Variants in CNOT10 observed in about 807,000 individuals in gnomAD.
CNOT10 encodes CCR4-NOT transcription complex, subunit 10.
CNOT10 carries 30 observed loss-of-function variants against 94.6 expected under a neutral mutation model. The observed-to-expected ratio is 0.32, with a 90% CI of 0.24 to 0.43. The LOEUF (loss-of-function observed/expected upper bound fraction) is 0.43, where lower values mean the gene tolerates loss of function less well. Among genes scored for constraint, CNOT10 ranks in the 20% least tolerant of loss-of-function variants. CNOT10 has a pLI of 1.00. For synonymous variants in CNOT10, 289 were observed against 301.6 expected, an observed-to-expected ratio of 0.96 and a Z score of 0.43; for missense variants, 759 against 877.2, an observed-to-expected ratio of 0.87 and a Z score of 1.70.
At chr3:32,716,033 C>T in intron 5 of CNOT10, 192 bp from the exon 6 acceptor site, 1 of 424,778 alleles carries the variant, frequency 2.4e-6, no homozygotes, top group Non-Finnish European at 4.3e-6. Context: ...TCTCGAACTC[C>T]TGGGCTCAAG....
chr3:32,717,647 C>T (rs908717762), intron 7 of CNOT10, among the ~76,000 whole-genome samples: 2 of 152,078 alleles, frequency 1.3e-5, no homozygotes, highest in East Asian at 3.9e-4. Context: ...GGGCGGATCA[C>T]CTGAGGTCAG....
At chr3:32,703,208 G>C (rs1697451807) in intron 1 of CNOT10, among the ~76,000 whole-genome samples, 1 of 151,626 alleles carries the variant, frequency 6.6e-6, no homozygotes, top group African/African-American at 2.4e-5. Flanking sequence ...ACAGGCGTGA[G>C]CCACCGTGCC....
At chr3:32,756,157 G>A (rs755035661) in intron 13 of CNOT10, among the ~76,000 whole-genome samples, 1 of 152,098 alleles carries the variant, frequency 6.6e-6, no homozygotes, top group Non-Finnish European at 1.5e-5. Flanking sequence ...GGTGAGTTGG[G>A]ATGGATTGTA....
chr3:32,753,617 C>A, intron 13 of CNOT10: 2 of 1,573,072 alleles, frequency 1.3e-6, no homozygotes, highest in Non-Finnish European at 1.7e-6. Flanking sequence ...CAATTCATAG[C>A]AGGTGTAAAG....
chr3:32,773,396 T>G (rs1700995946), intron 18 of CNOT10, 61 bp from the exon 19 acceptor site: 3 of 1,507,504 alleles, frequency 2.0e-6, no homozygotes, highest in Admixed American at 4.1e-5. Flanking sequence ...TTTTCATGTC[T>G]TGCTTTGTGT....
rs1696548846 is a variant in CNOT10 at position 32,685,345 on chromosome 3, G to A, written c.-116G>A. 3 of 1,241,564 alleles carry A rather than the reference G, an allele frequency of 2.4e-6. No homozygotes were observed. Among genetic ancestry groups the A allele is most frequent in the African/African-American group, 3.0e-5 (2 of 66,844 alleles). The allele number at this position is 1,241,564 out of a possible 1,614,324, so 76.9% of individuals were successfully genotyped here. A position where few individuals can be genotyped will look rare whatever the true frequency, so the allele number is the denominator to read the frequency against. ...CCACTCCTCTAGCCGGAACCTGGGG[G>A]CCCGGAGCCGGGGTAGGCACAGAGT... On this transcript the variant is annotated 5_prime_UTR_variant, in exon 1 of 19. Coordinates refer to ENST00000328834, the MANE Select transcript of CNOT10 (RefSeq NM_015442.3).
intron 1 of CNOT10, among the ~76,000 whole-genome samples, chr3:32,698,551 A>C (rs976555879): frequency 1.3e-5 from 2 of 152,210 alleles, no homozygotes; most frequent in African/African-American, 4.8e-5. Flanking sequence ...TATAAGTACA[A>C]GAATTTTTAG....
chr3:32,757,157 A>G (rs989993493), intron 13 of CNOT10, among the ~76,000 whole-genome samples: 8 of 135,464 alleles, frequency 5.9e-5, no homozygotes, highest in Non-Finnish European at 1.3e-4. Flanking sequence ...TCATTCACAT[A>G]GGCCCTGAAC....
At chr3:32,751,659 A>G (rs182862478) in intron 13 of CNOT10, among the ~76,000 whole-genome samples, 38 of 152,346 alleles carry the variant, frequency 2.5e-4, no homozygotes, top group African/African-American at 7.0e-4. Context: ...TAAATATTAT[A>G]GACAGTTTTA....
intron 1 of CNOT10, among the ~76,000 whole-genome samples, chr3:32,696,693 G>A (rs934823856): frequency 3.3e-5 from 5 of 151,976 alleles, no homozygotes; most frequent in African/African-American, 1.2e-4. Context: ...CCACTTCCTG[G>A]GTTCAAGTGA....
chr3:32,742,175 C>G (rs1699501164), intron 13 of CNOT10, among the ~76,000 whole-genome samples: 1 of 151,816 alleles, frequency 6.6e-6, no homozygotes, highest in Non-Finnish European at 1.5e-5. Flanking sequence ...AGGATAGTCT[C>G]TTGACCTCGT....
At chr3:32,718,765 G>A (rs574876307) in intron 7 of CNOT10, among the ~76,000 whole-genome samples, 2 of 152,128 alleles carry the variant, frequency 1.3e-5, no homozygotes, top group African/African-American at 4.8e-5. Context: ...TGGGGTGGGT[G>A]GGAGGCAGAG....
At chr3:32,727,601 TA>T in intron 9 of CNOT10, 66 bp from the exon 10 acceptor site, 1 of 1,038,410 alleles carries the variant, frequency 9.6e-7, no homozygotes, top group Non-Finnish European at 1.5e-6. Context: ...CTTAATGGAG[TA>T]AATGTTTTCA....
rs532923485 is a variant in CNOT10, at chr3:32,743,233, C to T, written c.1595+5743C>T. 7.4e-4 allele frequency among the ~76,000 whole-genome samples: 113 copies of T among 152,148 alleles called. 1 individual carries two copies. Among genetic ancestry groups the T allele is most frequent in the Middle Eastern group, 6.8e-3 (2 of 294 alleles). On this transcript the variant is annotated intron_variant, in intron 13 of 18. Transcript: ENST00000328834. ...AACTCCTGACCGCAGGTGATCCATC[C>T]GCCTTAGCTTCCCAAAGTGCTGGCA...
At position 32,689,597 on chromosome 3, in the gene CNOT10, G is replaced by A. The variant is rs531503344; in HGVS notation, c.22+4115G>A. ...CAGACCCCTTGAATACAAGCTCCCC[G>A]AAGATAGAGACTTTTGTCTGTGTTA... On this transcript the variant is annotated intron_variant, in intron 1 of 18. Transcript: ENST00000328834. 4.6e-5 allele frequency among the ~76,000 whole-genome samples: 7 copies of A among 152,206 alleles called. No homozygotes were observed. The East Asian group carries it at 7.7e-4, about 17-fold the overall frequency.
rs946751694 is a variant in CNOT10 at position 32,734,858 on chromosome 3, A to G, written c.1396A>G (p.Arg466Gly). 7 of 1,613,990 alleles carry G rather than the reference A, an allele frequency of 4.3e-6. No homozygotes were observed. The highest frequency in any genetic ancestry group is 5.9e-6 in the Non-Finnish European group (7 of 1,179,986). The change falls in exon 12 of 19, where the codon AGA becomes GGA. Residue 466 changes from arginine (R) to glycine (G), a missense_variant. Arg to Gly is a moderately radical substitution (Grantham distance 125). This residue lies in a region of CNOT10 where 682 missense variants were observed against 799.4 expected (regional missense o/e 0.85). Transcript: ENST00000328834. ...TATGGAGTTTGCAGCCATATGTCTC[A>G]GAAATGCCTTGTTGCTGCTACCTGA... ...ASMEFAAICL[R>G]NALLLLPEEQ...
chr3:32,711,656 A>G (rs1333840505), intron 4 of CNOT10, among the ~76,000 whole-genome samples: 1 of 152,214 alleles, frequency 6.6e-6, no homozygotes, highest in Non-Finnish European at 1.5e-5. Flanking sequence ...TGAATAAAGA[A>G]AAGACATTAT....
intron 1 of CNOT10, among the ~76,000 whole-genome samples, chr3:32,701,148 G>C (rs1469583786): frequency 6.6e-6 from 1 of 152,066 alleles, no homozygotes; most frequent in Non-Finnish European, 1.5e-5. Flanking sequence ...GGCGGCAGGT[G>C]CCTGTAGTCC....
chr3:32,695,192 T>C (rs1696995227), intron 1 of CNOT10, among the ~76,000 whole-genome samples: 1 of 152,196 alleles, frequency 6.6e-6, no homozygotes, highest in African/African-American at 2.4e-5. Flanking sequence ...TATGGTTTAG[T>C]GAATAAACCA....
Sources: allele counts gnomAD v4.1 joint callset (sites outside exome capture counted in the v4.1 genomes callset), GRCh38; gene constraint gnomAD v4.1.1; regional missense constraint gnomAD v4.1.1; transcripts MANE v1.5; gene names NCBI Gene and HGNC (gene_info 2026-07-23, HGNC 2026-07-21).